ROBO2: variants seen among roughly 807,000 people sequenced by gnomAD.
ROBO2 encodes the protein roundabout homolog 2.
A neutral mutation model predicts 160.8 loss-of-function variants in ROBO2; 53 were observed. That is an observed-to-expected ratio of 0.33 (90% confidence interval 0.26 to 0.41). The LOEUF (loss-of-function observed/expected upper bound fraction) is 0.41. Among genes scored for constraint, ROBO2 ranks in the 10% least tolerant of loss-of-function variants. The pLI is 1.00. For synonymous variants in ROBO2, 664 were observed against 611.7 expected, an observed-to-expected ratio of 1.09 and a Z score of -1.26; for missense variants, 1,577 against 1,722.4, an observed-to-expected ratio of 0.92 and a Z score of 1.49.
At chr3:76,771,687 T>C (rs2061914874) in intron 2 of ROBO2, among the ~76,000 whole-genome samples, 1 of 151,270 alleles carries the variant, frequency 6.6e-6, no homozygotes, top group Non-Finnish European at 1.5e-5. Context: ...TGTTACACAG[T>C]AATCAACAAT....
chr3:76,315,587 G>A (rs1285682353), intron 2 of ROBO2, among the ~76,000 whole-genome samples: 2 of 152,146 alleles, frequency 1.3e-5, no homozygotes, highest in African/African-American at 4.8e-5. Flanking sequence ...GTTGGAGCTT[G>A]TAGAAGTTTT....
intron 2 of ROBO2, among the ~76,000 whole-genome samples, chr3:76,299,893 T>G (rs1667785378): frequency 6.6e-6 from 1 of 152,150 alleles, no homozygotes; most frequent in African/African-American, 2.4e-5. Context: ...AATGAAATTG[T>G]TATGAAATAA....
chr3:76,761,488 T>C (rs1206547971), intron 2 of ROBO2, among the ~76,000 whole-genome samples: 1 of 151,744 alleles, frequency 6.6e-6, no homozygotes, highest in Non-Finnish European at 1.5e-5. Context: ...TATGATTCTT[T>C]ACCATATGGC....
chr3:77,477,424 T>C, exon 3 of ROBO2: 1 of 1,613,840 alleles, frequency 6.2e-7, no homozygotes, highest in Non-Finnish European at 8.5e-7. Flanking sequence ...TGTTACGAGA[T>C]GACTTCCGAC....
At chr3:76,780,711 T>C (rs2062587924) in intron 2 of ROBO2, among the ~76,000 whole-genome samples, 1 of 150,938 alleles carries the variant, frequency 6.6e-6, no homozygotes, top group Non-Finnish European at 1.5e-5. Flanking sequence ...CTGTGTATTC[T>C]TGTCAAAAAT....
intron 2 of ROBO2, among the ~76,000 whole-genome samples, chr3:77,461,962 G>A (rs1455145087): frequency 6.6e-6 from 1 of 152,062 alleles, no homozygotes; most frequent in Non-Finnish European, 1.5e-5. Flanking sequence ...CTGACCTCAG[G>A]TGATCCACCT....
At chr3:76,105,510 T>C (rs1370888187) in intron 2 of ROBO2, among the ~76,000 whole-genome samples, 1 of 152,134 alleles carries the variant, frequency 6.6e-6, no homozygotes, top group Non-Finnish European at 1.5e-5. Context: ...TATTTCTTCA[T>C]TGTTGGAATT....
intron 2 of ROBO2, among the ~76,000 whole-genome samples, chr3:77,299,865 A>G (rs2062493242): frequency 6.6e-6 from 1 of 152,122 alleles, no homozygotes; most frequent in Non-Finnish European, 1.5e-5. Flanking sequence ...GGATAAAAGT[A>G]AGAGAATGGA....
At chr3:76,685,068 T>C (rs2092655306) in intron 2 of ROBO2, among the ~76,000 whole-genome samples, 1 of 151,776 alleles carries the variant, frequency 6.6e-6, no homozygotes, top group Non-Finnish European at 1.5e-5. Context: ...ATTTTTTCAA[T>C]AAAACTTGCA....
chr3:77,255,202 A>T (rs970584887), intron 2 of ROBO2, among the ~76,000 whole-genome samples: 1 of 152,228 alleles, frequency 6.6e-6, no homozygotes, highest in East Asian at 1.9e-4. Flanking sequence ...TTGAAATCAA[A>T]TTAAGTTACA....
intron 1 of ROBO2, among the ~76,000 whole-genome samples, chr3:77,090,498 C>T (rs1217003949): frequency 6.6e-6 from 1 of 151,362 alleles, no homozygotes; most frequent in East Asian, 1.9e-4. Flanking sequence ...GGACGACAGG[C>T]GCCACCACCA....
chr3:77,414,260 A>G (rs1247452685), intron 2 of ROBO2, among the ~76,000 whole-genome samples: 1 of 152,212 alleles, frequency 6.6e-6, no homozygotes, highest in Admixed American at 6.5e-5. Context: ...GGAAACAGCA[A>G]TGTGGAGATT....
intron 2 of ROBO2, among the ~76,000 whole-genome samples, chr3:76,324,420 G>T (rs1437885673): frequency 6.6e-6 from 1 of 152,136 alleles, no homozygotes; most frequent in Non-Finnish European, 1.5e-5. Flanking sequence ...ACTGATTTAG[G>T]GTGGTTTCTA....
At chr3:76,356,658 A>C (rs2075187867) in intron 2 of ROBO2, among the ~76,000 whole-genome samples, 1 of 151,672 alleles carries the variant, frequency 6.6e-6, no homozygotes, top group Non-Finnish European at 1.5e-5. Context: ...AAATTGACAG[A>C]AAAAAAGGAA....
At chr3:76,753,059 A>C (rs550788276) in intron 2 of ROBO2, among the ~76,000 whole-genome samples, 1 of 152,062 alleles carries the variant, frequency 6.6e-6, no homozygotes, top group South Asian at 2.1e-4. Context: ...TTAAAGGTAT[A>C]TGCAAAACAT....
chr3:76,843,539 T>C (rs2068496160), intron 2 of ROBO2, among the ~76,000 whole-genome samples: 1 of 152,044 alleles, frequency 6.6e-6, no homozygotes. Flanking sequence ...CCTGCTGCAT[T>C]ATATTATCTT....
chr3:77,385,444 T>A (rs2073998992), intron 2 of ROBO2, among the ~76,000 whole-genome samples: 1 of 152,234 alleles, frequency 6.6e-6, no homozygotes, highest in African/African-American at 2.4e-5. Flanking sequence ...TTAAAATCTT[T>A]TCAATATCCC....
chr3:76,759,595 A>T (rs1045529357), intron 2 of ROBO2, among the ~76,000 whole-genome samples: 4 of 151,798 alleles, frequency 2.6e-5, no homozygotes, highest in Non-Finnish European at 4.4e-5. Flanking sequence ...ATGCAGAAAC[A>T]TGAAAGGGAT....
chr3:77,302,032 A>G (rs1002810571), intron 2 of ROBO2, among the ~76,000 whole-genome samples: 2 of 152,018 alleles, frequency 1.3e-5, no homozygotes, highest in Non-Finnish European at 2.9e-5. Context: ...CCTCCCAAGT[A>G]GCTGGGACTA....
Sources: gnomAD v4.1 joint callset for allele counts (sites outside exome capture counted in the v4.1 genomes callset) on GRCh38, gnomAD v4.1.1 for gene constraint, MANE v1.5 for transcripts, NCBI Gene and HGNC (gene_info 2026-07-23, HGNC 2026-07-21) for gene names.